C6: variants seen among roughly 807,000 people sequenced by gnomAD.
C6 encodes the protein complement component C6.
A neutral mutation model predicts 112.9 loss-of-function variants in C6; 101 were observed. That is an observed-to-expected ratio of 0.89 (90% CI 0.76 to 1.06). The LOEUF is 1.06. C6 is among the 50% of genes least tolerant of loss of function. The probability of loss-of-function intolerance (pLI) is 0.00; values close to 1 mark genes in which losing one functional copy is unlikely to be tolerated. For missense variants in C6, 1,202 were observed against 1,104.6 expected (o/e 1.09, Z -1.25); for synonymous variants, 431 against 384.1 (o/e 1.12, Z -1.43).
rs780661604 is a variant in C6, at chr5:41,181,480, C to T, written c.806G>A (p.Gly269Asp). ...GCTCCCCCCCTGACTTGAGAATGAG[C>T]CTTGTTGATTTTCATTGTGTCCAAG... is the stretch of plus-strand genomic sequence containing the variant. The part of the protein sequence containing the change: ...TSLGHNENQQ[G>D]SFSSQGGSSF... Residue 269 changes from glycine to aspartate, a missense_variant, in exon 7 of 18, where the codon GGC becomes GAC. By Grantham distance (94) the Gly-to-Asp change is moderately conservative. Transcript: ENST00000337836. 1.9e-5 allele frequency: 30 copies of T among 1,613,442 alleles called. No individual in the cohort carries two copies. The East Asian group carries it at 6.7e-4, about 36-fold the overall frequency.
At chr5:41,163,072 C>A (rs1336868305) in intron 9 of C6, among the ~76,000 whole-genome samples, 1 of 151,708 alleles carries the variant, frequency 6.6e-6, no homozygotes, top group African/African-American at 2.4e-5. Flanking sequence ...TTTACTGTTC[C>A]ATTAGCTTAC....
chr5:41,195,825 T>A lies in C6; in HGVS notation c.554A>T (p.Asn185Ile). The A allele has an allele frequency of 1.9e-6, 3 of 1,613,978 alleles. No individual in the cohort carries two copies. The highest frequency in any genetic ancestry group is 1.7e-4 in the Middle Eastern group (1 of 6,060). Residue 185 changes from asparagine (N) to isoleucine (I), a missense_variant, in exon 5 of 18, where the codon AAT becomes ATT. By Grantham distance (149) the Asn-to-Ile change is moderately radical. Coordinates refer to ENST00000337836, the MANE Select transcript of C6 (RefSeq NM_000065.5). ...CATCAACTGTACACTAGGGATGGGA[T>A]TATACTTCCGTGTGCATACTGCCTT... is the stretch of plus-strand genomic sequence containing the variant. The part of the protein sequence containing the change: ...RTKAVCTRKY[N>I]PIPSVQLMGN...
intron 1 of C6, among the ~76,000 whole-genome samples, chr5:41,247,736 G>T (rs1358278712): frequency 6.9e-6 from 1 of 144,850 alleles, no homozygotes; most frequent in Non-Finnish European, 1.5e-5. Flanking sequence ...AAAAAAAAAA[G>T]CAATATATCT....
chr5:41,208,353 C>A (rs1222674345), intron 1 of C6, among the ~76,000 whole-genome samples: 1 of 151,928 alleles, frequency 6.6e-6, no homozygotes, highest in African/African-American at 2.4e-5. Flanking sequence ...TAGCAGAAGG[C>A]AAGAAATAAC....
intron 13 of C6, among the ~76,000 whole-genome samples, chr5:41,158,412 A>C (rs1747125417): frequency 6.6e-6 from 1 of 152,184 alleles, no homozygotes; most frequent in South Asian, 2.1e-4. Context: ...CAAGTCATAC[A>C]ATCCTATATT....
chr5:41,147,717 TATCTC>T (rs1745968193), intron 17 of C6, among the ~76,000 whole-genome samples: 1 of 152,312 alleles, frequency 6.6e-6, no homozygotes, highest in East Asian at 1.9e-4. Context: ...ACAAAGGAAA[TATCTC>T]TAACTGTTTG....
At chr5:41,147,838 C>T (rs1745982157) in intron 17 of C6, among the ~76,000 whole-genome samples, 1 of 152,054 alleles carries the variant, frequency 6.6e-6, no homozygotes, top group Non-Finnish European at 1.5e-5. Flanking sequence ...CTGTGAAGTC[C>T]CTGCCTCGAA....
At chr5:41,220,866 G>C (rs181887119) in intron 1 of C6, among the ~76,000 whole-genome samples, 178 of 151,854 alleles carry the variant, frequency 1.2e-3, no homozygotes, top group African/African-American at 3.9e-3. Flanking sequence ...CTTCTCCCCT[G>C]ACCCAATAGG....
At chr5:41,238,602 G>A (rs1052743602) in intron 1 of C6, among the ~76,000 whole-genome samples, 52 of 152,300 alleles carry the variant, frequency 3.4e-4, no homozygotes, top group Admixed American at 5.9e-4. Context: ...ATGGAGAAGA[G>A]GTGAGACATG....
intron 13 of C6, among the ~76,000 whole-genome samples, chr5:41,157,565 T>C (rs1004598158): frequency 6.6e-6 from 1 of 152,198 alleles, no homozygotes; most frequent in African/African-American, 2.4e-5. Flanking sequence ...AATAAGACTT[T>C]ATTTTTTTTT....
chr5:41,193,004 T>A (rs1750336482), intron 5 of C6, among the ~76,000 whole-genome samples: 1 of 152,190 alleles, frequency 6.6e-6, no homozygotes, highest in Non-Finnish European at 1.5e-5. Context: ...ATGGTTGAAT[T>A]AGACACTTTC....
Position 41,257,304 on chromosome 5 carries a change from T to C in C6, c.-21+3890A>G, listed in dbSNP as rs369701198. On this transcript the variant is annotated intron_variant, in intron 1 of 17. Transcript: ENST00000263413. ...TTTTCTGTTCCTGCATTAATTCACT[T>C]AGGATAATGACCTCCAGCTACATTC... Among the ~76,000 whole-genome samples the C allele has an allele frequency of 5.9e-5, 9 of 152,208 alleles. No individual in the cohort carries two copies. In the East Asian group the frequency reaches 1.2e-3, roughly 20 times the overall value.
chr5:41,203,612 A>G (rs762480255), intron 1 of C6: 1 of 243,610 alleles, frequency 4.1e-6, no homozygotes, highest in South Asian at 5.1e-5. Flanking sequence ...TGTGTGAGCA[A>G]TAGCCTCAAG....
In C6 at chr5:41,168,102, C is replaced by T. The variant is rs991286111; in HGVS notation, c.1291+4123G>A. Among the ~76,000 whole-genome samples the T allele has an allele frequency of 3.9e-5, 6 of 152,154 alleles. No individual in the cohort carries two copies. In the East Asian group the frequency reaches 9.6e-4, roughly 24 times the overall value. ...AAATTAAAGATGAGCAAACTTTCCA[C>T]TCAATAGCTGCCAAAACTACTGTGT... On this transcript the variant is annotated intron_variant, in intron 9 of 17. Coordinates refer to ENST00000337836, the MANE Select transcript of C6 (RefSeq NM_000065.5).
chr5:41,224,952 C>T (rs1489185916), intron 1 of C6, among the ~76,000 whole-genome samples: 2 of 152,086 alleles, frequency 1.3e-5, no homozygotes, highest in African/African-American at 4.8e-5. Flanking sequence ...TGGGAATTTA[C>T]ATTTACAGGA....
intron 11 of C6, 31 bp from the exon 12 acceptor site, chr5:41,159,284 T>A: frequency 4.4e-6 from 7 of 1,608,412 alleles, no homozygotes; most frequent in Non-Finnish European, 5.1e-6. Context: ...CTCCCATGGA[T>A]CATGGTGCAG....
At chr5:41,255,253 C>T (rs1026636870) in intron 1 of C6, among the ~76,000 whole-genome samples, 6 of 151,512 alleles carry the variant, frequency 4.0e-5, no homozygotes, top group Non-Finnish European at 7.4e-5. Flanking sequence ...CCCAGCTACT[C>T]GGGAGACTGA....
At chr5:41,186,320 G>A (rs537588286) in intron 5 of C6, 112 bp from the exon 6 acceptor site, 1 of 1,176,584 alleles carries the variant, frequency 8.5e-7, no homozygotes, top group South Asian at 1.3e-5. Flanking sequence ...CAAGACAAAT[G>A]ACTTGAAGGA....
chr5:41,215,178 C>A (rs549446961), upstream of C6, among the ~76,000 whole-genome samples: 1 of 152,198 alleles, frequency 6.6e-6, no homozygotes, highest in East Asian at 1.9e-4. Context: ...ACACAATTGG[C>A]CATTGTTTAT....
Sources: gnomAD v4.1 joint callset for allele counts (sites outside exome capture counted in the v4.1 genomes callset) on GRCh38, gnomAD v4.1.1 for gene constraint, MANE v1.5 for transcripts, NCBI Gene and HGNC (gene_info 2026-07-23, HGNC 2026-07-21) for gene names.